The following GKAP1 variants were observed in gnomAD, a reference collection of about 807,000 sequenced individuals.
The protein encoded by GKAP1 is G kinase-anchoring protein 1.
Under a neutral mutation model 56.7 loss-of-function variants are expected in GKAP1, and 31 were observed. The ratio of observed to expected loss-of-function variants is 0.55; its 90% CI spans 0.41 to 0.74. GKAP1 has a LOEUF of 0.74. Ranked by LOEUF, GKAP1 falls within the 30% of genes least tolerant of loss-of-function variation. GKAP1 has a pLI of 0.00. For synonymous variants in GKAP1, 151 were observed against 138.6 expected, an observed-to-expected ratio of 1.09 and a Z score of -0.63; for missense variants, 364 against 402.3, an observed-to-expected ratio of 0.90 and a Z score of 0.82.
At chr9:83,768,502 T>G (rs1219754137) in intron 8 of GKAP1, among the ~76,000 whole-genome samples, 3 of 152,146 alleles carry the variant, frequency 2.0e-5, no homozygotes, top group African/African-American at 7.2e-5. Flanking sequence ...CCTCTCCATA[T>G]CCCCACAACT....
At chr9:83,765,371 G>C (rs1187136023) in intron 8 of GKAP1, among the ~76,000 whole-genome samples, 5 of 152,234 alleles carry the variant, frequency 3.3e-5, no homozygotes, top group Admixed American at 3.3e-4. Context: ...AGCCCTCATG[G>C]AGAACCTCTG....
intron 2 of GKAP1, among the ~76,000 whole-genome samples, chr9:83,806,823 CCT>C (rs1944446479): frequency 6.6e-6 from 1 of 152,102 alleles, no homozygotes; most frequent in African/African-American, 2.4e-5. Context: ...TCACAGTCTT[CCT>C]CTCTCAATCA....
intron 8 of GKAP1, among the ~76,000 whole-genome samples, chr9:83,765,288 A>C (rs1023755911): frequency 6.6e-6 from 1 of 152,102 alleles, no homozygotes; most frequent in African/African-American, 2.4e-5. Flanking sequence ...AGATTTGGGA[A>C]CCTCTGCCTA....
chr9:83,741,071 A>C (rs1481478341), intron 12 of GKAP1, among the ~76,000 whole-genome samples: 1 of 152,094 alleles, frequency 6.6e-6, no homozygotes, highest in East Asian at 1.9e-4. Flanking sequence ...CTTAGCAAAA[A>C]TATTTTTTGA....
chr9:83,812,291 G>A (rs1343428637), intron 2 of GKAP1, among the ~76,000 whole-genome samples: 9 of 141,534 alleles, frequency 6.4e-5, no homozygotes, highest in Non-Finnish European at 9.1e-5. Context: ...ACATATATAC[G>A]TATATATATA....
intron 6 of GKAP1, 95 bp downstream of exon 6, chr9:83,784,620 A>T: frequency 1.1e-6 from 1 of 924,658 alleles, no homozygotes; most frequent in Non-Finnish European, 1.6e-6. Context: ...AATAACTTTT[A>T]CTTATTGTTT....
At chr9:83,740,800 C>T (rs1230839186) in intron 12 of GKAP1, among the ~76,000 whole-genome samples, 1 of 152,122 alleles carries the variant, frequency 6.6e-6, no homozygotes, top group Non-Finnish European at 1.5e-5. Flanking sequence ...AGCTCAGACT[C>T]ATTTGATAAT....
intron 7 of GKAP1, among the ~76,000 whole-genome samples, chr9:83,770,687 G>C (rs945847112): frequency 6.6e-6 from 1 of 151,818 alleles, no homozygotes; most frequent in Non-Finnish European, 1.5e-5. Flanking sequence ...TCAGCCTCCT[G>C]AGTAGCTGGG....
At chr9:83,805,168 C>T in intron 3 of GKAP1, among the ~76,000 whole-genome samples, 1 of 152,154 alleles carries the variant, frequency 6.6e-6, no homozygotes, top group Non-Finnish European at 1.5e-5. Flanking sequence ...GGTGACCTTA[C>T]CCCCAACCCT....
Position 83,809,321 on chromosome 9 carries a change from C to T in GKAP1, c.-43-2761G>A, listed in dbSNP as rs1232370257. Among the ~76,000 whole-genome samples, 6 of 152,216 alleles carry T rather than the reference C, an allele frequency of 3.9e-5. No individual in the cohort carries two copies. The East Asian group carries it at 1.2e-3, about 29-fold the overall frequency. Reference sequence around the variant, plus strand: ...AGGAAACCCCTGAAAAAGTAAAAGCCTCTGTTCCAGTCACTTCCAGATACA... The same window carrying T: ...AGGAAACCCCTGAAAAAGTAAAAGCTTCTGTTCCAGTCACTTCCAGATACA... On this transcript the variant is annotated intron_variant, in intron 2 of 12. Transcript: ENST00000376371.
intron 3 of GKAP1, among the ~76,000 whole-genome samples, chr9:83,805,609 T>C (rs1166260897): frequency 6.6e-6 from 1 of 152,194 alleles, no homozygotes; most frequent in Non-Finnish European, 1.5e-5. Context: ...AACAGTCTAT[T>C]ATATAACCCC....
chr9:83,779,877 C>A (rs1035242531), intron 7 of GKAP1, among the ~76,000 whole-genome samples: 1 of 151,688 alleles, frequency 6.6e-6, no homozygotes, highest in Non-Finnish European at 1.5e-5. Flanking sequence ...AAACAAAAAA[C>A]CCCAAATCCC....
intron 7 of GKAP1, among the ~76,000 whole-genome samples, chr9:83,779,712 T>C (rs561119536): frequency 2.0e-5 from 3 of 151,080 alleles, no homozygotes; most frequent in African/African-American, 7.3e-5. Flanking sequence ...AGAACACATA[T>C]ATAATAGAAG....
chr9:83,754,046 GAAGA>G (rs1487534051), intron 8 of GKAP1, among the ~76,000 whole-genome samples: 1 of 152,132 alleles, frequency 6.6e-6, no homozygotes, highest in African/African-American at 2.4e-5. Flanking sequence ...TTGATTTGAT[GAAGA>G]AAGATTTGTC....
intron 4 of GKAP1, among the ~76,000 whole-genome samples, chr9:83,789,668 A>G (rs1944122176): frequency 6.6e-6 from 1 of 152,312 alleles, no homozygotes; most frequent in South Asian, 2.1e-4. Context: ...ACCATACCAC[A>G]CAAACACCCA....
intron 8 of GKAP1, among the ~76,000 whole-genome samples, chr9:83,762,913 CA>C (rs1324805227): frequency 6.6e-6 from 1 of 152,074 alleles, no homozygotes; most frequent in Non-Finnish European, 1.5e-5. Context: ...CTGGAGCTAC[CA>C]CATGATCCAA....
chr9:83,785,740 T>G (rs1046410691), intron 5 of GKAP1, among the ~76,000 whole-genome samples: 6 of 152,208 alleles, frequency 3.9e-5, no homozygotes, highest in African/African-American at 1.4e-4. Context: ...GTCTCCAATT[T>G]TAGCTCCTCA....
chr9:83,781,664 C>T (rs1041246590), intron 6 of GKAP1, among the ~76,000 whole-genome samples: 1 of 152,050 alleles, frequency 6.6e-6, no homozygotes, highest in Admixed American at 6.6e-5. Flanking sequence ...GATGCCAGAA[C>T]CTAAGGAAGA....
At chr9:83,793,628 A>G (rs370142302) in intron 4 of GKAP1, among the ~76,000 whole-genome samples, 3 of 152,204 alleles carry the variant, frequency 2.0e-5, no homozygotes, top group Non-Finnish European at 2.9e-5. Flanking sequence ...ATGAGTCACA[A>G]AAGAATTAAA....
Sources: gnomAD v4.1 joint callset for allele counts (sites outside exome capture counted in the v4.1 genomes callset) on GRCh38, gnomAD v4.1.1 for gene constraint, MANE v1.5 for transcripts, NCBI Gene and HGNC (gene_info 2026-07-23, HGNC 2026-07-21) for gene names.